Variants in PTPRZ1 observed in about 807,000 individuals in gnomAD.
PTPRZ1 encodes the protein receptor-type tyrosine-protein phosphatase zeta.
In PTPRZ1, 82 loss-of-function variants were observed where a neutral mutation model predicts 214.1. That is an observed-to-expected ratio of 0.38 (90% CI 0.32 to 0.46). PTPRZ1 has a LOEUF of 0.46. Among genes scored for constraint, PTPRZ1 ranks in the 20% least tolerant of loss-of-function variants. PTPRZ1 has a pLI of 1.00. For missense variants in PTPRZ1, 2,603 were observed against 2,748.7 expected (o/e 0.95, Z 1.19); for synonymous variants, 945 against 987.9 (o/e 0.96, Z 0.81).
chr7:122,008,161 A>G (rs1366361172), intron 11 of PTPRZ1, among the ~76,000 whole-genome samples: 2 of 152,178 alleles, frequency 1.3e-5, no homozygotes, highest in East Asian at 3.8e-4. Flanking sequence ...AAGGATGTTT[A>G]TGTGGAAATA....
intron 2 of PTPRZ1, among the ~76,000 whole-genome samples, chr7:121,952,793 A>G (rs1436529539): frequency 1.3e-5 from 2 of 152,234 alleles, no homozygotes; most frequent in Non-Finnish European, 2.9e-5. Context: ...ATAATGAACT[A>G]TTGCAATGAG....
Position 121,973,348 on chromosome 7 carries a change from G to C in PTPRZ1, c.456+656G>C, listed in dbSNP as rs568592588. Among the ~76,000 whole-genome samples the C allele has an allele frequency of 2.0e-5, 3 of 152,050 alleles. No homozygotes were observed. In the East Asian group the frequency reaches 5.8e-4, roughly 29 times the overall value. On this transcript the variant is annotated intron_variant, in intron 4 of 29. Coordinates refer to ENST00000393386, the MANE Select transcript of PTPRZ1 (RefSeq NM_002851.3). ...TATACATATAAAAGGCTCATGATAA[G>C]GTATTAATGGTTTTAAAAAGAAACA...
intron 1 of PTPRZ1, among the ~76,000 whole-genome samples, chr7:121,898,642 T>A (rs1388134294): frequency 6.6e-6 from 1 of 152,170 alleles, no homozygotes; most frequent in Non-Finnish European, 1.5e-5. Context: ...TATGTTTCTT[T>A]TGAGGAAATT....
intron 1 of PTPRZ1, among the ~76,000 whole-genome samples, chr7:121,899,889 T>C (rs1043781131): frequency 6.6e-6 from 1 of 152,178 alleles, no homozygotes; most frequent in African/African-American, 2.4e-5. Context: ...TATTTATGCT[T>C]AGGAACTAGT....
chr7:122,012,782 G>A lies in PTPRZ1; in HGVS notation c.3736G>A (p.Val1246Met), dbSNP rs1459445311. The part of the protein sequence containing the change: ...LHSTSVPVFD[V>M]SPTSHMHSAS... The stretch of plus-strand genomic sequence containing the variant: ...CTCTACATCTGTACCAGTTTTTGAT[G>A]TGTCGCCTACTTCTCATATGCACTC... Residue 1246 changes from valine to methionine, a missense_variant, in exon 12 of 30, where the codon GTG (valine) becomes ATG (methionine). Physicochemically the swap from Val to Met is conservative, Grantham distance 21. This residue lies in a region of PTPRZ1 where 1,913 missense variants were observed against 1,914.3 expected (regional missense o/e 1.00). Transcript: ENST00000393386. 1 of 1,611,540 alleles carries A rather than the reference G, an allele frequency of 6.2e-7. No individual in the cohort carries two copies. The highest frequency in any genetic ancestry group is 1.7e-5 in the Admixed American group (1 of 59,988).
At chr7:121,953,943 A>C (rs1796633367) in intron 2 of PTPRZ1, among the ~76,000 whole-genome samples, 1 of 152,160 alleles carries the variant, frequency 6.6e-6, no homozygotes, top group Non-Finnish European at 1.5e-5. Context: ...TGGTGGCACC[A>C]TCATCCTCAG....
chr7:121,924,192 T>G (rs1359917749), intron 1 of PTPRZ1, among the ~76,000 whole-genome samples: 1 of 152,100 alleles, frequency 6.6e-6, no homozygotes, highest in Non-Finnish European at 1.5e-5. Context: ...ACAAAGAAAC[T>G]GAAATCCACA....
intron 1 of PTPRZ1, among the ~76,000 whole-genome samples, chr7:121,926,854 TA>T (rs1795780174): frequency 6.6e-6 from 1 of 152,232 alleles, no homozygotes; most frequent in Admixed American, 6.5e-5. Flanking sequence ...TGAAATGTCT[TA>T]TATAGCCAAT....
At chr7:121,935,859 C>T (rs1270680788) in intron 2 of PTPRZ1, among the ~76,000 whole-genome samples, 3 of 152,140 alleles carry the variant, frequency 2.0e-5, no homozygotes, top group Non-Finnish European at 2.9e-5. Flanking sequence ...TGAGCCACCT[C>T]GCAGAGCCTA....
intron 17 of PTPRZ1, among the ~76,000 whole-genome samples, chr7:122,036,318 T>C (rs1480224105): frequency 6.6e-6 from 1 of 152,166 alleles, no homozygotes; most frequent in Admixed American, 6.5e-5. Flanking sequence ...CTAAAACAAT[T>C]TCTGTTTTCA....
chr7:121,987,796 A>G (rs1489440730), intron 8 of PTPRZ1, among the ~76,000 whole-genome samples: 1 of 152,198 alleles, frequency 6.6e-6, no homozygotes, highest in Admixed American at 6.5e-5. Context: ...TCAGTGGTAG[A>G]TTAAAAAAAT....
At position 121,925,981 on chromosome 7, in the gene PTPRZ1, C is replaced by A. The variant is rs1206502; in HGVS notation, c.59-2175C>A. Among the ~76,000 whole-genome samples, 25 of 152,020 alleles carry A rather than the reference C, an allele frequency of 1.6e-4. No individual in the cohort carries two copies. In the South Asian group the frequency reaches 5.2e-3, roughly 32 times the overall value. On this transcript the variant is annotated intron_variant, in intron 1 of 29. Transcript: ENST00000393386. ...GGATTATAAAGTTACCAAGTGGCTA[C>A]TAAAAAGATTTACGCCTCACAGGAG...
chr7:122,037,344 A>T (rs566992700), intron 18 of PTPRZ1, among the ~76,000 whole-genome samples: 1 of 152,276 alleles, frequency 6.6e-6, no homozygotes, highest in East Asian at 1.9e-4. Context: ...TGGCACAAGG[A>T]TGTGCATTTA....
chr7:121,889,868 C>G (rs1794530147), intron 1 of PTPRZ1, among the ~76,000 whole-genome samples: 1 of 152,148 alleles, frequency 6.6e-6, no homozygotes, highest in South Asian at 2.1e-4. Context: ...CAATTGTTAT[C>G]ATTGTGTCAT....
rs985507349 is a variant in PTPRZ1 at position 121,933,879 on chromosome 7, A to G, written c.124+5658A>G. Among the ~76,000 whole-genome samples the G allele has an allele frequency of 2.0e-5, 3 of 152,296 alleles. No homozygotes were observed. In the East Asian group the frequency reaches 5.8e-4, roughly 29 times the overall value. ...CTATAATCTAGAATATCCTTTTAACATATTATATTTTCCTCTTTGATTCAC... is the reference window on the plus strand; with the variant it reads ...CTATAATCTAGAATATCCTTTTAACGTATTATATTTTCCTCTTTGATTCAC... On this transcript the variant is annotated intron_variant, in intron 2 of 29. Transcript: ENST00000393386.
At chr7:121,927,211 C>T (rs949538038) in intron 1 of PTPRZ1, among the ~76,000 whole-genome samples, 2 of 152,186 alleles carry the variant, frequency 1.3e-5, no homozygotes, top group Non-Finnish European at 2.9e-5. Flanking sequence ...TGTAAACTAG[C>T]TATTTGTAGC....
At chr7:121,983,621 C>T in intron 6 of PTPRZ1, 44 bp from the exon 7 acceptor site, 1 of 1,541,792 alleles carries the variant, frequency 6.5e-7, no homozygotes, top group South Asian at 1.2e-5. Context: ...CAGCTAAGTT[C>T]CAGTGTTGAG....
At chr7:121,912,073 G>A (rs1345004393) in intron 1 of PTPRZ1, among the ~76,000 whole-genome samples, 1 of 152,118 alleles carries the variant, frequency 6.6e-6, no homozygotes, top group African/African-American at 2.4e-5. Context: ...TTATCCATAA[G>A]GGACTAATGT....
At chr7:121,880,381 G>T (rs1794202403) in intron 1 of PTPRZ1, among the ~76,000 whole-genome samples, 1 of 152,128 alleles carries the variant, frequency 6.6e-6, no homozygotes, top group South Asian at 2.1e-4. Flanking sequence ...CCATAACTAT[G>T]ATGAGAATAC....
Sources: allele counts gnomAD v4.1 joint callset (sites outside exome capture counted in the v4.1 genomes callset), GRCh38; gene constraint gnomAD v4.1.1; regional missense constraint gnomAD v4.1.1; transcripts MANE v1.5; gene names NCBI Gene and HGNC (gene_info 2026-07-23, HGNC 2026-07-21).